Variants in SULT1B1 observed in about 807,000 individuals in gnomAD.
SULT1B1 encodes sulfotransferase 1B1.
Under a neutral mutation model 34.6 loss-of-function variants are expected in SULT1B1, and 28 were observed. The observed-to-expected ratio is 0.81, with a 90% CI of 0.60 to 1.11. SULT1B1 has a LOEUF of 1.11. Ranked by LOEUF, SULT1B1 falls within the 50% of genes least tolerant of loss-of-function variation. The pLI is 0.00. For synonymous variants in SULT1B1, 147 were observed against 110.2 expected (o/e 1.33, Z -2.09); for missense variants, 374 against 352.2 (o/e 1.06, Z -0.50).
At chr4:69,752,275 G>A (rs1310022983) in intron 3 of SULT1B1, among the ~76,000 whole-genome samples, 4 of 152,008 alleles carry the variant, frequency 2.6e-5, no homozygotes, top group African/African-American at 4.8e-5. Context: ...TTGCTCTTTC[G>A]CCCAGGCTGG....
chr4:69,730,794 C>A, intron 6 of SULT1B1, 113 bp from the exon 7 acceptor site: 1 of 903,256 alleles, frequency 1.1e-6, no homozygotes, highest in Admixed American at 3.1e-5. Flanking sequence ...TATAGGAAAT[C>A]CATATTTGTT....
intron 4 of SULT1B1, among the ~76,000 whole-genome samples, chr4:69,738,877 C>A (rs887709940): frequency 6.6e-6 from 1 of 151,954 alleles, no homozygotes; most frequent in Non-Finnish European, 1.5e-5. Flanking sequence ...ACACCCATTC[C>A]AAATGGGAAA....
At chr4:69,741,122 C>T (rs1718534611) in intron 4 of SULT1B1, among the ~76,000 whole-genome samples, 1 of 152,192 alleles carries the variant, frequency 6.6e-6, no homozygotes, top group Non-Finnish European at 1.5e-5. Context: ...TTTATCACAG[C>T]ATCATTGATT....
intron 1 of SULT1B1, among the ~76,000 whole-genome samples, chr4:69,757,640 T>C (rs1303064580): frequency 6.6e-6 from 1 of 152,118 alleles, no homozygotes; most frequent in Non-Finnish European, 1.5e-5. Flanking sequence ...ATTTTTTCAT[T>C]TTATATTGTA....
Position 69,724,655 on chromosome 4 carries a change from T to A in SULT1B1, c.*2433A>T, listed in dbSNP as rs1717752406. 6.6e-6 allele frequency: 1 copy of A among 152,272 alleles called. No individual in the cohort carries two copies. Among genetic ancestry groups the A allele is most frequent in the Non-Finnish European group, 1.5e-5 (1 of 68,112 alleles). The allele number at this position is 152,272 out of a possible 1,614,324, so 9.4% of individuals were successfully genotyped here. On this transcript the variant is annotated 3_prime_UTR_variant, in exon 8 of 8. Transcript: ENST00000310613. Reference sequence around the variant, plus strand: ...GGCTACAGTAACCAAAACAGCATGGTACTGGACCAAAACAGAGATATAGAC... The same window carrying A: ...GGCTACAGTAACCAAAACAGCATGGAACTGGACCAAAACAGAGATATAGAC...
chr4:69,727,229 GAATAA>G, intron 7 of SULT1B1, 29 bp from the exon 8 acceptor site: 1 of 1,550,120 alleles, frequency 6.5e-7, no homozygotes, highest in Non-Finnish European at 8.8e-7. Flanking sequence ...ACATAGGAAA[GAATAA>G]AATATTTCCA....
Position 69,726,802 on chromosome 4 carries a change from C to T in SULT1B1, c.*286G>A. ...GGAGATTAAGTAAAATAAATCCCTT[C>T]TTTCTTATCAGTACTAGTGTAGAAA... On this transcript the variant is annotated 3_prime_UTR_variant, in exon 8 of 8. Coordinates refer to ENST00000310613, the MANE Select transcript of SULT1B1 (RefSeq NM_014465.4). 1 of 227,414 alleles carries T rather than the reference C, an allele frequency of 4.4e-6. No homozygotes were observed. The allele number at this position is 227,414 out of a possible 1,614,324, so 14.1% of individuals were successfully genotyped here.
chr4:69,733,625 T>C, intron 5 of SULT1B1, 118 bp from the exon 6 acceptor site: 2 of 695,758 alleles, frequency 2.9e-6, no homozygotes, highest in East Asian at 6.0e-5. Flanking sequence ...AGTAAGAATA[T>C]GAGGACAATC....
rs182844728 is a variant in SULT1B1, at chr4:69,731,483, T to C, written c.598-802A>G. Among the ~76,000 whole-genome samples the C allele has an allele frequency of 1.1e-4, 16 of 152,320 alleles. No homozygotes were observed. In the East Asian group the frequency reaches 2.9e-3, roughly 28 times the overall value. On this transcript the variant is annotated intron_variant, in intron 6 of 7. Coordinates refer to ENST00000310613, the MANE Select transcript of SULT1B1 (RefSeq NM_014465.4). ...GTGTTAGTCTATAGACCAGTAGAAG[T>C]TAAAGCAGAGTCCTGGCTCTGGCTG...
chr4:69,752,062 A>G (rs1247514824), intron 3 of SULT1B1, among the ~76,000 whole-genome samples: 3 of 152,252 alleles, frequency 2.0e-5, no homozygotes, highest in South Asian at 2.1e-4. Context: ...GTTTAAGAAC[A>G]TCTTATCATA....
At chr4:69,753,440 C>T (rs1262071472) in intron 3 of SULT1B1, among the ~76,000 whole-genome samples, 2 of 152,250 alleles carry the variant, frequency 1.3e-5, no homozygotes, top group African/African-American at 2.4e-5. Flanking sequence ...TTGCATAAAA[C>T]CCTTCAATAT....
chr4:69,729,759 A>G (rs954525487), intron 7 of SULT1B1, among the ~76,000 whole-genome samples: 5 of 152,012 alleles, frequency 3.3e-5, no homozygotes, highest in Admixed American at 1.3e-4. Context: ...AATTCTACCC[A>G]TCTCCCTCCA....
intron 6 of SULT1B1, among the ~76,000 whole-genome samples, chr4:69,732,006 T>A (rs1718097969): frequency 6.6e-6 from 1 of 152,242 alleles, no homozygotes; most frequent in Non-Finnish European, 1.5e-5. Flanking sequence ...GGTGCTCTGC[T>A]GTCCAAAACA....
chr4:69,729,713 C>T (rs1717988699), intron 7 of SULT1B1, among the ~76,000 whole-genome samples: 1 of 152,004 alleles, frequency 6.6e-6, no homozygotes, highest in South Asian at 2.1e-4. Context: ...ATAATACATT[C>T]CTAAGGCTAT....
rs1717854156 is a variant in SULT1B1 at position 69,726,937 on chromosome 4, C to A, written c.*151G>T. The A allele has an allele frequency of 1.9e-6, 1 of 517,970 alleles. No homozygotes were observed. 32.1% of individuals were successfully genotyped at this position (517,970 alleles called of 1,614,324 possible). On this transcript the variant is annotated 3_prime_UTR_variant, in exon 8 of 8. Coordinates refer to ENST00000310613, the MANE Select transcript of SULT1B1 (RefSeq NM_014465.4). ...AGAATCAAAGGAACAAAACTGGGAT[C>A]TGATTAATAACATTGAAAAGAATCA...
intron 4 of SULT1B1, among the ~76,000 whole-genome samples, chr4:69,748,501 GAAC>G (rs1177242525): frequency 6.6e-6 from 1 of 152,084 alleles, no homozygotes; most frequent in Non-Finnish European, 1.5e-5. Context: ...TAAAAGAACT[GAAC>G]AACATTATTG....
chr4:69,729,665 A>T (rs1717985958), intron 7 of SULT1B1, among the ~76,000 whole-genome samples: 1 of 152,098 alleles, frequency 6.6e-6, no homozygotes, highest in Admixed American at 6.6e-5. Flanking sequence ...TAATCATATT[A>T]CTCAAAATTG....
chr4:69,721,795 T>C lies in SULT1B1; in HGVS notation c.*5293A>G, dbSNP rs561938371. On this transcript the variant is annotated 3_prime_UTR_variant, in exon 8 of 8. Coordinates refer to ENST00000310613, the MANE Select transcript of SULT1B1 (RefSeq NM_014465.4). Reference sequence around the variant, plus strand: ...TTTTAGAAAATAGCCCTTTAGTTTATTAAGGAAAATTTCCATGGATGAGGA... The same window carrying C: ...TTTTAGAAAATAGCCCTTTAGTTTACTAAGGAAAATTTCCATGGATGAGGA... The C allele has an allele frequency of 2.0e-5, 3 of 152,224 alleles. No homozygotes were observed. The highest frequency in any genetic ancestry group is 7.2e-5 in the African/African-American group (3 of 41,562). The allele number at this position is 152,224 out of a possible 1,614,324, so 9.4% of individuals were successfully genotyped here.
intron 4 of SULT1B1, among the ~76,000 whole-genome samples, chr4:69,738,421 A>T (rs1578053858): frequency 6.6e-6 from 1 of 152,200 alleles, no homozygotes; most frequent in East Asian, 1.9e-4. Flanking sequence ...AGAAGCAGGT[A>T]CCTTCTTCAC....
Sources: gnomAD v4.1 joint callset for allele counts (sites outside exome capture counted in the v4.1 genomes callset) on GRCh38, gnomAD v4.1.1 for gene constraint, MANE v1.5 for transcripts, NCBI Gene and HGNC (gene_info 2026-07-23, HGNC 2026-07-21) for gene names.